The following ATP10A variants were observed in gnomAD, a reference collection of about 807,000 sequenced individuals.
The protein encoded by ATP10A is phospholipid-transporting ATPase VA.
ATP10A carries 111 observed loss-of-function variants against 147.8 expected under a neutral mutation model. The ratio of observed to expected loss-of-function variants is 0.75; its 90% CI spans 0.64 to 0.88. The LOEUF is 0.88. Among genes scored for constraint, ATP10A ranks in the 40% least tolerant of loss-of-function variants. The pLI, the probability that ATP10A is intolerant of heterozygous loss-of-function variation, is 0.00. For missense variants in ATP10A, 1,927 were observed against 1,959.0 expected, an observed-to-expected ratio of 0.98 and a Z score of 0.31; for synonymous variants, 875 against 841.6, an observed-to-expected ratio of 1.04 and a Z score of -0.69.
intron 1 of ATP10A, among the ~76,000 whole-genome samples, chr15:25,850,317 T>G (rs1042360854): frequency 6.6e-6 from 1 of 152,178 alleles, no homozygotes; most frequent in Non-Finnish European, 1.5e-5. Context: ...GCTCTCGGTT[T>G]TCTGAGTCAA....
At chr15:25,800,436 C>CCTCCCAAGT (rs1462911487) in intron 1 of ATP10A, among the ~76,000 whole-genome samples, 1 of 152,124 alleles carries the variant, frequency 6.6e-6, no homozygotes, top group African/African-American at 2.4e-5. Flanking sequence ...CAGATTTCTG[C>CCTCCCAAGT]CTCCCAAGTG....
chr15:25,808,719 T>G (rs1891303721), intron 1 of ATP10A, among the ~76,000 whole-genome samples: 1 of 152,178 alleles, frequency 6.6e-6, no homozygotes, highest in Non-Finnish European at 1.5e-5. Flanking sequence ...GATTCCCAAC[T>G]CAGGTATTTT....
rs558376335 is a variant in ATP10A at position 25,729,807 on chromosome 15, G to A, written c.741-2541C>T. 7.8e-4 allele frequency among the ~76,000 whole-genome samples: 118 copies of A among 152,248 alleles called. 1 individual carries two copies. Among genetic ancestry groups the A allele is most frequent in the African/African-American group, 2.8e-3 (116 of 41,544 alleles). On this transcript the variant is annotated intron_variant, in intron 3 of 20. Transcript: ENST00000555815. ...CCCAGGCCCCCCACCCAGGCCAGCC[G>A]GCAGTATTCCATCTGCTTCCATGTC...
chr15:25,721,848 A>C lies in ATP10A; in HGVS notation c.1172T>G (p.Phe391Cys). 1 of 1,614,186 alleles carries C rather than the reference A, an allele frequency of 6.2e-7. No homozygotes were observed. Among genetic ancestry groups the C allele is most frequent in the Non-Finnish European group, 8.5e-7 (1 of 1,180,020 alleles). Residue 391 changes from phenylalanine to cysteine, a missense_variant, in exon 7 of 21, where the codon TTC becomes TGC. Transcript: ENST00000555815. ...ATACAACTGCATGTCCTGGTTAATG[A>C]AGTACACTTGGCATGCTTTAACAAT... Reference protein sequence around the residue: ...IEIVKACQVYFINQDMQLYDE... With the variant: ...IEIVKACQVYCINQDMQLYDE...
At chr15:25,860,821 G>A (rs1385496362) in intron 1 of ATP10A, among the ~76,000 whole-genome samples, 2 of 152,170 alleles carry the variant, frequency 1.3e-5, no homozygotes, top group African/African-American at 4.8e-5. Flanking sequence ...TATAAGGATC[G>A]AATGACATAA....
intron 14 of ATP10A, among the ~76,000 whole-genome samples, 188 bp from the exon 15 acceptor site, chr15:25,691,979 C>A (rs539850497): frequency 2.0e-5 from 3 of 152,098 alleles, no homozygotes; most frequent in Non-Finnish European, 2.9e-5. Context: ...AATAAGCTAG[C>A]GACACCAGGA....
chr15:25,753,949 T>C (rs1325914631), intron 2 of ATP10A, among the ~76,000 whole-genome samples: 1 of 151,968 alleles, frequency 6.6e-6, no homozygotes. Context: ...GCTAATTTTT[T>C]GTTCTTGTAG....
intron 1 of ATP10A, among the ~76,000 whole-genome samples, chr15:25,851,209 C>G (rs920742843): frequency 6.6e-6 from 1 of 152,026 alleles, no homozygotes; most frequent in Admixed American, 6.6e-5. Flanking sequence ...GGTCTCTGAG[C>G]GGATCTAAAG....
intron 1 of ATP10A, among the ~76,000 whole-genome samples, chr15:25,830,205 G>A (rs1251480449): frequency 6.6e-6 from 1 of 152,106 alleles, no homozygotes; most frequent in Non-Finnish European, 1.5e-5. Flanking sequence ...GAGAGGGGGT[G>A]CAGCCATGCA....
In ATP10A at chr15:25,792,871, A is replaced by T. The variant is rs1199802699; in HGVS notation, c.450-11648T>A. Among the ~76,000 whole-genome samples the T allele has an allele frequency of 4.3e-4, 16 of 37,306 alleles. 1 individual carries two copies. In the Middle Eastern group the frequency reaches 0.12, roughly 291 times the overall value. 24.5% of individuals were successfully genotyped at this position (37,306 alleles called of 152,430 possible). ...TGTTACAAAAAGTTGCTCCTTTTCAATCTTTTTTTTTTTTTTGAGATGGAG... is the reference window on the plus strand; with the variant it reads ...TGTTACAAAAAGTTGCTCCTTTTCATTCTTTTTTTTTTTTTTGAGATGGAG... On this transcript the variant is annotated intron_variant, in intron 1 of 20. Coordinates refer to ENST00000555815, the MANE Select transcript of ATP10A (RefSeq NM_024490.4).
intron 1 of ATP10A, among the ~76,000 whole-genome samples, chr15:25,791,342 A>G (rs1359016730): frequency 6.6e-6 from 1 of 150,974 alleles, no homozygotes; most frequent in Non-Finnish European, 1.5e-5. Flanking sequence ...TTTCCCCTTC[A>G]ATCTTTCTTT....
intron 15 of ATP10A, among the ~76,000 whole-genome samples, chr15:25,690,582 G>T (rs893641422): frequency 2.0e-5 from 3 of 152,164 alleles, no homozygotes; most frequent in Admixed American, 6.5e-5. Context: ...TGGTTCATCT[G>T]CAAGTTTTTT....
chr15:25,842,576 T>C (rs1892855043), intron 1 of ATP10A, among the ~76,000 whole-genome samples: 1 of 152,170 alleles, frequency 6.6e-6, no homozygotes, highest in South Asian at 2.1e-4. Context: ...CATTTCCTTG[T>C]ATTTTGGGGG....
In ATP10A at chr15:25,862,692, GC is replaced by G; in HGVS notation, c.404del (p.Arg135ProfsTer22). On this transcript the variant is annotated frameshift_variant, in exon 1 of 21. Coordinates refer to ENST00000555815, the MANE Select transcript of ATP10A (RefSeq NM_024490.4). LOFTEE classifies it high-confidence loss of function. ...CCAGGTGGTTGATCTTGTGGTCGGA[GC>G]GGTGGCGGCTGTAGTCCTCCCACAG... ...RDLWEDYSRHRSDHKINHLGC... is the reference protein window; with the variant it reads ...RDLWEDYSRHXSDHKINHLGC... 1 of 1,607,036 alleles carries G rather than the reference GC, an allele frequency of 6.2e-7. No homozygotes were observed. Among genetic ancestry groups the G allele is most frequent in the Non-Finnish European group, 8.5e-7 (1 of 1,175,750 alleles).
At chr15:25,741,411 T>C (rs965474440) in intron 2 of ATP10A, among the ~76,000 whole-genome samples, 1 of 152,148 alleles carries the variant, frequency 6.6e-6, no homozygotes, top group Non-Finnish European at 1.5e-5. Flanking sequence ...TTCCTCTTTT[T>C]AAAGTGCGGG....
intron 10 of ATP10A, 53 bp downstream of exon 10, chr15:25,713,621 T>C (rs1901572509): frequency 5.8e-6 from 9 of 1,542,388 alleles, no homozygotes; most frequent in African/African-American, 1.4e-5. Flanking sequence ...TGGGGATATT[T>C]CTCAGGACCT....
In ATP10A at chr15:25,863,243, C is replaced by A; in HGVS notation, c.-147G>T. On this transcript the variant is annotated 5_prime_UTR_variant, in exon 1 of 21. Transcript: ENST00000555815. ...AGACCGCGGTCAGCGCGCCGCCTGG[C>A]CGGCCCAGCGCGCCCAGCCCGCGCC... 2.2e-6 allele frequency: 1 copy of A among 447,828 alleles called. No individual in the cohort carries two copies. Among genetic ancestry groups the A allele is most frequent in the Non-Finnish European group, 3.0e-6 (1 of 329,894 alleles). 27.7% of individuals were successfully genotyped at this position (447,828 alleles called of 1,614,324 possible). A position where few individuals can be genotyped will look rare whatever the true frequency, so the allele number is the denominator to read the frequency against.
intron 1 of ATP10A, among the ~76,000 whole-genome samples, chr15:25,836,875 C>A (rs1275361801): frequency 6.6e-6 from 1 of 152,186 alleles, no homozygotes; most frequent in Admixed American, 6.5e-5. Context: ...CCCTGGCCTG[C>A]AAGTCTCTCG....
intron 17 of ATP10A, among the ~76,000 whole-genome samples, 153 bp downstream of exon 17, chr15:25,683,133 C>T (rs1899514948): frequency 6.6e-6 from 1 of 152,088 alleles, no homozygotes; most frequent in Non-Finnish European, 1.5e-5. Context: ...AGAGGGCAGC[C>T]CTTTTTCTCC....
Sources: gnomAD v4.1 joint callset for allele counts (sites outside exome capture counted in the v4.1 genomes callset) on GRCh38, gnomAD v4.1.1 for gene constraint, MANE v1.5 for transcripts, NCBI Gene and HGNC (gene_info 2026-07-23, HGNC 2026-07-21) for gene names.